PXDNL: variants seen among roughly 807,000 people sequenced by gnomAD.
The protein encoded by PXDNL is probable oxidoreductase PXDNL.
PXDNL carries 145 observed loss-of-function variants against 150.8 expected under a neutral mutation model. The observed-to-expected ratio is 0.96, with a 90% confidence interval of 0.84 to 1.10. The LOEUF is 1.10. Among genes scored for constraint, PXDNL ranks in the 50% least tolerant of loss-of-function variants. PXDNL has a pLI of 0.00. For synonymous variants in PXDNL, 757 were observed against 725.7 expected (o/e 1.04, Z -0.69); for missense variants, 2,087 against 1,873.9 (o/e 1.11, Z -2.10).
At chr8:51,595,657 A>G (rs1306235527) in intron 2 of PXDNL, among the ~76,000 whole-genome samples, 1 of 152,182 alleles carries the variant, frequency 6.6e-6, no homozygotes, top group Non-Finnish European at 1.5e-5. Flanking sequence ...TAAACATAGT[A>G]TGAAACTTTC....
At chr8:51,722,968 C>T (rs1426490174) in intron 1 of PXDNL, among the ~76,000 whole-genome samples, 1 of 151,974 alleles carries the variant, frequency 6.6e-6, no homozygotes, top group Non-Finnish European at 1.5e-5. Context: ...GTCTGTATCA[C>T]TAGGGTTGGC....
chr8:51,394,117 T>C lies in PXDNL; in HGVS notation c.3557+13950A>G, dbSNP rs186077573. On this transcript the variant is annotated intron_variant, in intron 17 of 22. Coordinates refer to ENST00000356297, the MANE Select transcript of PXDNL (RefSeq NM_144651.5). ...CAAAAGTGTTAATGAAAAGTGTGAA[T>C]GTGCCCAGGGCATATACAGAAGAGA... Among the ~76,000 whole-genome samples the C allele has an allele frequency of 1.2e-4, 19 of 152,296 alleles. No individual in the cohort carries two copies. In the East Asian group the frequency reaches 3.5e-3, roughly 28 times the overall value.
At chr8:51,755,586 T>G (rs1001033113) in intron 1 of PXDNL, among the ~76,000 whole-genome samples, 3 of 152,222 alleles carry the variant, frequency 2.0e-5, no homozygotes, top group Non-Finnish European at 4.4e-5. Context: ...GCCGCCATGC[T>G]CGGCCTATTA....
chr8:51,400,955 G>A (rs925646795), intron 17 of PXDNL, among the ~76,000 whole-genome samples: 1 of 152,222 alleles, frequency 6.6e-6, no homozygotes. Context: ...AAAGCCTCTT[G>A]GAAAATTAAA....
intron 3 of PXDNL, among the ~76,000 whole-genome samples, chr8:51,570,452 C>T (rs1812910105): frequency 6.6e-6 from 1 of 151,442 alleles, no homozygotes; most frequent in South Asian, 2.1e-4. Flanking sequence ...TCTATTGTCA[C>T]CAAGAGAATC....
intron 21 of PXDNL, among the ~76,000 whole-genome samples, chr8:51,334,881 A>G (rs1406398496): frequency 6.6e-6 from 1 of 152,184 alleles, no homozygotes; most frequent in East Asian, 1.9e-4. Context: ...TGTTTTGACA[A>G]TTTTGATTAG....
rs34751949 is a variant in PXDNL, at chr8:51,744,675, C to CAAA, written c.164+64503_164+64505dup. Among the ~76,000 whole-genome samples, 155 of 38,768 alleles carry CAAA rather than the reference C, an allele frequency of 4.0e-3. 6 individuals carry two copies. The East Asian group carries it at 0.052, about 13-fold the overall frequency. The allele number at this position is 38,768 out of a possible 152,430, so 25.4% of individuals were successfully genotyped here. ...TGGGTACTTGAGCAAGACTCCATCT[C>CAAA]AAAAAAAAAAAAAAAAAAAAAGGAA... is the stretch of plus-strand genomic sequence containing the variant. On this transcript the variant is annotated intron_variant, in intron 1 of 22. Transcript: ENST00000356297.
At chr8:51,787,162 C>T (rs2037467914) in intron 1 of PXDNL, among the ~76,000 whole-genome samples, 1 of 151,820 alleles carries the variant, frequency 6.6e-6, no homozygotes. Flanking sequence ...ACCTGGTCAC[C>T]CAAGAGCTCT....
At chr8:51,514,189 A>T (rs1436285239) in intron 4 of PXDNL, among the ~76,000 whole-genome samples, 2 of 152,242 alleles carry the variant, frequency 1.3e-5, no homozygotes, top group Non-Finnish European at 2.9e-5. Context: ...TGGAGCCATG[A>T]GAAATAAACT....
At chr8:51,483,764 G>T in intron 5 of PXDNL, 50 bp from the exon 6 acceptor site, 1 of 1,097,966 alleles carries the variant, frequency 9.1e-7, no homozygotes, top group South Asian at 1.5e-5. Flanking sequence ...TAATGAATTT[G>T]ACAAACAAAA....
At chr8:51,528,582 A>G (rs1811814765) in intron 4 of PXDNL, among the ~76,000 whole-genome samples, 1 of 152,194 alleles carries the variant, frequency 6.6e-6, no homozygotes, top group Admixed American at 6.5e-5. Context: ...GATTAAGATT[A>G]AGAGCTTTGA....
intron 21 of PXDNL, among the ~76,000 whole-genome samples, chr8:51,329,196 T>A (rs1309472884): frequency 6.6e-6 from 1 of 152,022 alleles, no homozygotes. Context: ...ATATTTCCCA[T>A]CCCCACACCT....
At chr8:51,763,298 T>C (rs1255110649) in intron 1 of PXDNL, among the ~76,000 whole-genome samples, 2 of 149,884 alleles carry the variant, frequency 1.3e-5, no homozygotes, top group Non-Finnish European at 1.5e-5. Context: ...ATTGTGCACA[T>C]GTACCCTAGA....
At chr8:51,417,803 A>G (rs1358601943) in intron 14 of PXDNL, among the ~76,000 whole-genome samples, 2 of 152,184 alleles carry the variant, frequency 1.3e-5, no homozygotes, top group East Asian at 3.9e-4. Context: ...CCTTTATGAA[A>G]TCATTTTGTT....
At chr8:51,687,945 T>C (rs1815911775) in intron 1 of PXDNL, among the ~76,000 whole-genome samples, 1 of 152,218 alleles carries the variant, frequency 6.6e-6, no homozygotes, top group Admixed American at 6.5e-5. Flanking sequence ...GCTGTGAATG[T>C]GTTGCCATTT....
intron 3 of PXDNL, among the ~76,000 whole-genome samples, chr8:51,588,855 G>A (rs1371774214): frequency 6.6e-6 from 1 of 152,168 alleles, no homozygotes; most frequent in African/African-American, 2.4e-5. Flanking sequence ...AAGTTTGAAG[G>A]ATCCTTAGTA....
chr8:51,382,946 A>C (rs1266282892), intron 17 of PXDNL, among the ~76,000 whole-genome samples: 1 of 152,192 alleles, frequency 6.6e-6, no homozygotes, highest in Non-Finnish European at 1.5e-5. Context: ...TAAATAATTC[A>C]GCTAAACATT....
intron 1 of PXDNL, among the ~76,000 whole-genome samples, chr8:51,717,962 G>A (rs887239828): frequency 6.6e-5 from 10 of 152,020 alleles, no homozygotes; most frequent in African/African-American, 2.4e-4. Context: ...TGCTGAATAT[G>A]TTTTCTTTTA....
chr8:51,384,170 A>G (rs1332563846), intron 17 of PXDNL, among the ~76,000 whole-genome samples: 2 of 152,198 alleles, frequency 1.3e-5, no homozygotes, highest in Non-Finnish European at 2.9e-5. Context: ...TTTGGCAAAA[A>G]AGGCAAAATG....
Sources: allele counts gnomAD v4.1 joint callset (sites outside exome capture counted in the v4.1 genomes callset), GRCh38; gene constraint gnomAD v4.1.1; transcripts MANE v1.5; gene names NCBI Gene and HGNC (gene_info 2026-07-23, HGNC 2026-07-21).